Variants in CCSER1 observed in about 807,000 individuals in gnomAD.
CCSER1 encodes the protein coiled-coil serine rich protein 1, also known as serine-rich coiled-coil domain-containing protein 1.
A neutral mutation model predicts 82.0 loss-of-function variants in CCSER1; 41 were observed. That is an observed-to-expected ratio of 0.50 (90% CI 0.39 to 0.65). The LOEUF (loss-of-function observed/expected upper bound fraction) is 0.65, where lower values mean the gene tolerates loss of function less well. Ranked by LOEUF, CCSER1 falls within the 30% of genes least tolerant of loss-of-function variation. CCSER1 has a pLI of 0.00. For synonymous variants in CCSER1, 414 were observed against 383.9 expected, an observed-to-expected ratio of 1.08 and a Z score of -0.92; for missense variants, 1,119 against 1,064.2, an observed-to-expected ratio of 1.05 and a Z score of -0.72.
intron 10 of CCSER1, among the ~76,000 whole-genome samples, chr4:91,368,345 G>C (rs140851531): frequency 2.6e-5 from 4 of 151,994 alleles, no homozygotes; most frequent in African/African-American, 7.2e-5. Flanking sequence ...CTTAATAATA[G>C]TTATATGCCC....
At chr4:90,322,153 TTA>T (rs1737262595) in intron 3 of CCSER1, among the ~76,000 whole-genome samples, 2 of 152,196 alleles carry the variant, frequency 1.3e-5, no homozygotes, top group Non-Finnish European at 1.5e-5. Context: ...GATTTGATTT[TTA>T]TATATGGCAA....
chr4:91,316,280 C>A (rs1745832002), intron 10 of CCSER1, among the ~76,000 whole-genome samples: 1 of 151,898 alleles, frequency 6.6e-6, no homozygotes. Context: ...TTATGAGGGT[C>A]ATTTATATTA....
At chr4:91,404,412 C>A (rs1173906153) in intron 10 of CCSER1, among the ~76,000 whole-genome samples, 3 of 152,042 alleles carry the variant, frequency 2.0e-5, no homozygotes, top group African/African-American at 7.2e-5. Flanking sequence ...CTGCTCTGAT[C>A]TTAGTTATTT....
intron 3 of CCSER1, among the ~76,000 whole-genome samples, chr4:90,371,807 A>C (rs922669545): frequency 6.6e-6 from 1 of 152,336 alleles, no homozygotes. Flanking sequence ...GATGAGAGCC[A>C]TGGGAAAAAC....
chr4:90,453,208 A>T (rs2153579397), intron 4 of CCSER1, among the ~76,000 whole-genome samples: 1 of 152,274 alleles, frequency 6.6e-6, no homozygotes, highest in South Asian at 2.1e-4. Context: ...AGGTGTAGGA[A>T]GGAAAAAGGA....
At chr4:90,521,734 A>T (rs1438198131) in intron 5 of CCSER1, among the ~76,000 whole-genome samples, 1 of 152,078 alleles carries the variant, frequency 6.6e-6, no homozygotes, top group Non-Finnish European at 1.5e-5. Flanking sequence ...CATAAATAAA[A>T]CTACTGACTT....
rs557033597 is a variant in CCSER1 at position 90,786,686 on chromosome 4, G to GC, written c.2011-29075dup. On this transcript the variant is annotated intron_variant, in intron 7 of 10. Transcript: ENST00000509176. ...GTTTTTCCTCTACTCTCATACCACA[G>GC]CGATCAACAATGAAGACATCTGTGA... is the stretch of plus-strand genomic sequence containing the variant. 5.3e-5 allele frequency among the ~76,000 whole-genome samples: 8 copies of GC among 152,248 alleles called. No individual in the cohort carries two copies. The East Asian group carries it at 1.5e-3, about 29-fold the overall frequency.
At chr4:91,047,420 C>T (rs1436326696) in intron 9 of CCSER1, among the ~76,000 whole-genome samples, 2 of 152,074 alleles carry the variant, frequency 1.3e-5, no homozygotes, top group Non-Finnish European at 2.9e-5. Context: ...ATCTCTCCAT[C>T]TCTCTACCAC....
chr4:91,054,589 T>A (rs1452042693), intron 9 of CCSER1, among the ~76,000 whole-genome samples: 1 of 152,124 alleles, frequency 6.6e-6, no homozygotes, highest in Non-Finnish European at 1.5e-5. Context: ...ACTTTCAACC[T>A]ATTTCAACCT....
At chr4:90,427,024 A>T (rs1757616227) in intron 4 of CCSER1, among the ~76,000 whole-genome samples, 5 of 152,114 alleles carry the variant, frequency 3.3e-5, no homozygotes, top group Admixed American at 3.3e-4. Flanking sequence ...GTTAAATAGG[A>T]ATCCTTAAAA....
intron 5 of CCSER1, among the ~76,000 whole-genome samples, chr4:90,489,502 T>C (rs1325995288): frequency 6.6e-6 from 1 of 152,112 alleles, no homozygotes; most frequent in Non-Finnish European, 1.5e-5. Context: ...AGGTAGTACG[T>C]CACTTCTAAA....
chr4:91,584,366 A>G (rs73836240), intron 10 of CCSER1, among the ~76,000 whole-genome samples: 16,545 of 151,494 alleles, frequency 0.11, 929 homozygotes, highest in Middle Eastern at 0.18. Context: ...ATTTGGATGG[A>G]TACAGGAAAA....
intron 10 of CCSER1, among the ~76,000 whole-genome samples, chr4:91,578,221 T>TA (rs1216623410): frequency 1.3e-5 from 2 of 152,004 alleles, no homozygotes; most frequent in Non-Finnish European, 2.9e-5. Flanking sequence ...AAAACTATGG[T>TA]AGGCCAAAGG....
intron 10 of CCSER1, among the ~76,000 whole-genome samples, chr4:91,189,028 T>C (rs1734795476): frequency 6.6e-6 from 1 of 152,128 alleles, no homozygotes; most frequent in Non-Finnish European, 1.5e-5. Context: ...AAAATTTCAA[T>C]TTTCTAGGTC....
intron 8 of CCSER1, among the ~76,000 whole-genome samples, chr4:90,873,917 T>C (rs1347314403): frequency 6.6e-6 from 1 of 152,178 alleles, no homozygotes; most frequent in African/African-American, 2.4e-5. Flanking sequence ...AAATGCATGA[T>C]TTAATAACTG....
At chr4:90,359,467 C>T (rs1056856354) in intron 3 of CCSER1, among the ~76,000 whole-genome samples, 11 of 151,908 alleles carry the variant, frequency 7.2e-5, no homozygotes, top group African/African-American at 2.2e-4. Context: ...GGGCAGGGCG[C>T]GGTGCCTCAT....
chr4:90,198,650 G>T (rs966651189), intron 1 of CCSER1, among the ~76,000 whole-genome samples: 1 of 152,100 alleles, frequency 6.6e-6, no homozygotes, highest in African/African-American at 2.4e-5. Context: ...TTTGTCTATA[G>T]TCAGCAATAA....
At chr4:91,091,491 C>G (rs932492891) in intron 10 of CCSER1, among the ~76,000 whole-genome samples, 1 of 152,246 alleles carries the variant, frequency 6.6e-6, no homozygotes, top group Non-Finnish European at 1.5e-5. Flanking sequence ...AAGCAGTCCT[C>G]TGTGTGGGAA....
intron 4 of CCSER1, among the ~76,000 whole-genome samples, chr4:90,444,906 A>G (rs984826367): frequency 6.6e-6 from 1 of 152,046 alleles, no homozygotes; most frequent in Admixed American, 6.6e-5. Context: ...CATAATTTAC[A>G]GTGAACGCAT....
Sources: gnomAD v4.1 joint callset for allele counts (sites outside exome capture counted in the v4.1 genomes callset) on GRCh38, gnomAD v4.1.1 for gene constraint, MANE v1.5 for transcripts, NCBI Gene and HGNC (gene_info 2026-07-23, HGNC 2026-07-21) for gene names.